The following CFH variants were observed in gnomAD, a reference collection of about 807,000 sequenced individuals.
CFH encodes complement factor H.
CFH carries 53 observed loss-of-function variants against 147.3 expected under a neutral mutation model. The ratio of observed to expected loss-of-function variants is 0.36; its 90% CI spans 0.29 to 0.45. The LOEUF is 0.45. CFH is among the 20% of genes least tolerant of loss of function. CFH has a pLI of 1.00. For missense variants in CFH, 1,380 were observed against 1,498.0 expected (o/e 0.92, Z 1.30); for synonymous variants, 536 against 489.4 (o/e 1.10, Z -1.26).
chr1:196,719,353 C>A (rs10465603), intron 11 of CFH, among the ~76,000 whole-genome samples: 5,425 of 151,794 alleles, frequency 0.036, 328 homozygotes, highest in African/African-American at 0.12. Flanking sequence ...AACAAACACA[C>A]ATACAAAAAA....
At chr1:196,674,003 T>C (rs1373354286) in intron 3 of CFH, 41 bp downstream of exon 3, 1 of 1,317,580 alleles carries the variant, frequency 7.6e-7, no homozygotes, top group Non-Finnish European at 1.1e-6. Context: ...ATTAAGATAG[T>C]AAATAGGAAC....
At chr1:196,683,489 A>C (rs1429094393) in intron 6 of CFH, among the ~76,000 whole-genome samples, 2 of 151,834 alleles carry the variant, frequency 1.3e-5, no homozygotes, top group East Asian at 3.9e-4. Flanking sequence ...TGGTATTTTA[A>C]GGATTTTGGT....
intron 9 of CFH, among the ~76,000 whole-genome samples, chr1:196,694,672 C>T (rs1281821757): frequency 6.6e-6 from 1 of 152,170 alleles, no homozygotes; most frequent in African/African-American, 2.4e-5. Flanking sequence ...CCTGTGGTTT[C>T]CAGATGTTTT....
rs191415086 is a variant in CFH at position 196,698,201 on chromosome 1, G to T, written c.1336+7962G>T. On this transcript the variant is annotated intron_variant, in intron 9 of 21. Coordinates refer to ENST00000367429, the MANE Select transcript of CFH (RefSeq NM_000186.4). ...GAAGCAAGAGCAAACAAATTCAAAA[G>T]CTAGCAGAAGACAAGAAATAACTAA... 3.7e-3 allele frequency among the ~76,000 whole-genome samples: 563 copies of T among 152,036 alleles called. 7 individuals carry two copies. The highest frequency in any genetic ancestry group is 0.013 in the African/African-American group (519 of 41,500).
intron 14 of CFH, among the ~76,000 whole-genome samples, chr1:196,727,980 C>T (rs1669187358): frequency 6.6e-6 from 1 of 152,050 alleles, no homozygotes; most frequent in African/African-American, 2.4e-5. Context: ...TCTTGGGGAC[C>T]CTCATTCACT....
intron 1 of CFH, among the ~76,000 whole-genome samples, chr1:196,658,407 A>ATTTTTTTTTTTTGTTT (rs1666782676): frequency 1.1e-5 from 1 of 92,276 alleles, no homozygotes; most frequent in Non-Finnish European, 2.0e-5. Context: ...TGCTCAGGTA[A>ATTTTTTTTTTTTGTTT]TTTTTTTTTT....
chr1:196,655,908 A>G (rs1666670132), intron 1 of CFH, among the ~76,000 whole-genome samples: 1 of 152,242 alleles, frequency 6.6e-6, no homozygotes, highest in Non-Finnish European at 1.5e-5. Context: ...AATAAAAAGG[A>G]AAGAAAAAAC....
chr1:196,697,533 T>C (rs1668314494), intron 9 of CFH, among the ~76,000 whole-genome samples: 3 of 152,038 alleles, frequency 2.0e-5, no homozygotes, highest in East Asian at 1.9e-4. Flanking sequence ...TGTGGAGAAA[T>C]AGGAACACTT....
Position 196,667,052 on chromosome 1 carries a change from T to C in CFH, c.59-5926T>C, listed in dbSNP as rs547638246. On this transcript the variant is annotated intron_variant, in intron 1 of 21. Coordinates refer to ENST00000367429, the MANE Select transcript of CFH (RefSeq NM_000186.4). Reference sequence around the variant, plus strand: ...ATCTTGTATATCCTTATTTTTCTATTTCTTTTCTATTGGATATTGGAAACA... The same window carrying C: ...ATCTTGTATATCCTTATTTTTCTATCTCTTTTCTATTGGATATTGGAAACA... Among the ~76,000 whole-genome samples the C allele has an allele frequency of 2.6e-5, 4 of 152,328 alleles. No individual in the cohort carries two copies. The South Asian group carries it at 8.3e-4, about 32-fold the overall frequency.
intron 1 of CFH, among the ~76,000 whole-genome samples, chr1:196,654,691 T>G (rs1666625187): frequency 6.6e-6 from 1 of 152,160 alleles, no homozygotes; most frequent in Admixed American, 6.5e-5. Flanking sequence ...AAATTAAAAC[T>G]CTACTGAAAC....
At chr1:196,737,061 C>T (rs1669423098) in intron 16 of CFH, 55 bp downstream of exon 16, 4 of 1,448,540 alleles carry the variant, frequency 2.8e-6, no homozygotes, top group Non-Finnish European at 3.8e-6. Flanking sequence ...TTAATATTCT[C>T]TTGTGCTTCG....
At position 196,726,821 on chromosome 1, in the gene CFH, C is replaced by T; in HGVS notation, c.2117C>T (p.Ser706Phe). ...GAACATGGCTGGGCCCAGCTTTCTT[C>T]CCCTCCTTATTACTATGGAGATTCA... ...ELEHGWAQLS[S>F]PPYYYGDSVE... The change falls in exon 14 of 22, where the codon TCC (serine) becomes TTC (phenylalanine). Residue 706 changes from serine to phenylalanine, a missense_variant. By Grantham distance (155) the Ser-to-Phe change is radical. Transcript: ENST00000367429. The T allele has an allele frequency of 6.2e-7, 1 of 1,613,634 alleles. No homozygotes were observed. The highest frequency in any genetic ancestry group is 1.1e-5 in the South Asian group (1 of 91,076).
At chr1:196,706,393 T>C (rs147904439) in intron 9 of CFH, among the ~76,000 whole-genome samples, 60 of 151,966 alleles carry the variant, frequency 3.9e-4, no homozygotes, top group Admixed American at 2.6e-3. Flanking sequence ...GGATGGACAA[T>C]TTGGTAGCAA....
chr1:196,706,066 G>C (rs1031359736), intron 9 of CFH, among the ~76,000 whole-genome samples: 1 of 151,914 alleles, frequency 6.6e-6, no homozygotes, highest in Non-Finnish European at 1.5e-5. Context: ...AGAAGGCTGA[G>C]TATGCTATTG....
At chr1:196,684,580 C>G (rs1409199527) in intron 6 of CFH, among the ~76,000 whole-genome samples, 1 of 151,836 alleles carries the variant, frequency 6.6e-6, no homozygotes, top group Non-Finnish European at 1.5e-5. Flanking sequence ...TTTAAAACTT[C>G]TCTCTAAAGT....
At chr1:196,693,416 G>GA (rs1188716346) in intron 9 of CFH, among the ~76,000 whole-genome samples, 5 of 152,162 alleles carry the variant, frequency 3.3e-5, no homozygotes, top group African/African-American at 1.2e-4. Context: ...ACCTGTGAGA[G>GA]AAAAAAGCTG....
chr1:196,677,827 C>T (rs1573014056), intron 5 of CFH, 160 bp downstream of exon 5: 2 of 669,778 alleles, frequency 3.0e-6, no homozygotes, highest in South Asian at 1.8e-5. Context: ...TTGCATGCAT[C>T]ATTTCATTTT....
intron 10 of CFH, among the ~76,000 whole-genome samples, chr1:196,714,666 T>TAG (rs1668817031): frequency 2.8e-4 from 8 of 28,350 alleles, no homozygotes; most frequent in Non-Finnish European, 3.8e-4. Flanking sequence ...TATATATATA[T>TAG]ATAGAGAGAG....
intron 15 of CFH, among the ~76,000 whole-genome samples, chr1:196,733,093 A>G (rs1669317129): frequency 6.6e-6 from 1 of 151,996 alleles, no homozygotes; most frequent in African/African-American, 2.4e-5. Flanking sequence ...ATGACCTTTG[A>G]ATGCATGGCT....
Sources: gnomAD v4.1 joint callset for allele counts (sites outside exome capture counted in the v4.1 genomes callset) on GRCh38, gnomAD v4.1.1 for gene constraint, MANE v1.5 for transcripts, NCBI Gene and HGNC (gene_info 2026-07-23, HGNC 2026-07-21) for gene names.